The following U2SURP variants were observed in gnomAD, a reference collection of about 807,000 sequenced individuals.
The protein encoded by U2SURP is U2 snRNP-associated SURP motif-containing protein.
A neutral mutation model predicts 144.9 loss-of-function variants in U2SURP; 9 were observed. The ratio of observed to expected loss-of-function variants is 0.06; its 90% CI spans 0.04 to 0.11. The LOEUF (loss-of-function observed/expected upper bound fraction) is 0.11. Ranked by LOEUF, U2SURP falls within the 10% of genes least tolerant of loss-of-function variation. The probability of loss-of-function intolerance (pLI) is 1.00; values close to 1 mark genes in which losing one functional copy is unlikely to be tolerated. For synonymous variants in U2SURP, 408 were observed against 396.8 expected (o/e 1.03, Z -0.33); for missense variants, 724 against 1,226.7 (o/e 0.59, Z 6.12).
intron 20 of U2SURP, chr3:143,036,951 A>T: frequency 2.0e-6 from 1 of 488,688 alleles, no homozygotes; most frequent in South Asian, 3.4e-5. Flanking sequence ...GTTTTTGCTC[A>T]TCATTGCCTC....
chr3:143,055,204 A>G (rs1430638916), intron 27 of U2SURP, 85 bp downstream of exon 27: 1 of 1,290,040 alleles, frequency 7.8e-7, no homozygotes, highest in East Asian at 2.8e-5. Flanking sequence ...TGGTTGGCAT[A>G]CATTTTTTTT....
chr3:143,045,094 G>A (rs1427431866), intron 24 of U2SURP, among the ~76,000 whole-genome samples: 6 of 152,170 alleles, frequency 3.9e-5, no homozygotes, highest in East Asian at 1.9e-4. Context: ...GCCTTGGCCA[G>A]CTGCGGTGGC....
At chr3:143,053,530 G>T (rs1340409859) in intron 25 of U2SURP, 146 bp from the exon 26 acceptor site, 4 of 502,446 alleles carry the variant, frequency 8.0e-6, no homozygotes, top group African/African-American at 5.2e-5. Context: ...TCCCTGAAGG[G>T]GTAGATTTTT....
rs1237457246 is a variant in U2SURP at position 143,014,423 on chromosome 3, T to A, written c.321+14T>A. 3 of 1,548,750 alleles carry A rather than the reference T, an allele frequency of 1.9e-6. No individual in the cohort carries two copies. Among genetic ancestry groups the A allele is most frequent in the Non-Finnish European group, 2.7e-6 (3 of 1,127,488 alleles). On this transcript the variant is annotated intron_variant, in intron 4 of 27. Transcript: ENST00000473835. ...TTAAAGAAAAAGGTAATGTTGAAAATGTATTTTGAATTATCCTTGGAAATG... is the reference window on the plus strand; with the variant it reads ...TTAAAGAAAAAGGTAATGTTGAAAAAGTATTTTGAATTATCCTTGGAAATG...
chr3:143,040,109 G>C (rs553524164), intron 23 of U2SURP, among the ~76,000 whole-genome samples: 36 of 151,804 alleles, frequency 2.4e-4, no homozygotes, highest in African/African-American at 8.2e-4. Context: ...AGTAGTATAC[G>C]TACTCATAAA....
intron 23 of U2SURP, among the ~76,000 whole-genome samples, chr3:143,039,162 C>T (rs1184991121): frequency 1.3e-5 from 2 of 151,746 alleles, no homozygotes; most frequent in Admixed American, 1.3e-4. Flanking sequence ...TTTCATTTTG[C>T]TTTTGAGTTT....
intron 10 of U2SURP, 88 bp from the exon 11 acceptor site, chr3:143,022,409 T>G: frequency 7.5e-6 from 10 of 1,327,548 alleles, no homozygotes; most frequent in Non-Finnish European, 1.0e-5. Context: ...ATGTTGCTTT[T>G]TATTTTGTAA....
At chr3:143,034,247 T>A (rs1176923845) in intron 18 of U2SURP, among the ~76,000 whole-genome samples, 1 of 151,926 alleles carries the variant, frequency 6.6e-6, no homozygotes, top group Non-Finnish European at 1.5e-5. Context: ...CTAGTAAAAA[T>A]ACAAAGATTA....
intron 6 of U2SURP, among the ~76,000 whole-genome samples, chr3:143,018,043 A>G (rs925755586): frequency 6.6e-6 from 1 of 152,152 alleles, no homozygotes; most frequent in African/African-American, 2.4e-5. Context: ...GCAACATAGC[A>G]AGACTCCATC....
intron 1 of U2SURP, among the ~76,000 whole-genome samples, chr3:143,006,513 T>C (rs897165330): frequency 6.6e-6 from 1 of 152,172 alleles, no homozygotes; most frequent in Non-Finnish European, 1.5e-5. Context: ...CCCAGCACTT[T>C]GGGAGGCCAA....
At position 143,012,334 on chromosome 3, in the gene U2SURP, C is replaced by T; in HGVS notation, c.203C>T (p.Pro68Leu). The T allele has an allele frequency of 6.2e-7, 1 of 1,611,946 alleles. No individual in the cohort carries two copies. The highest frequency in any genetic ancestry group is 8.5e-7 in the Non-Finnish European group (1 of 1,178,818). Residue 68 changes from proline (P) to leucine (L), a missense_variant, in exon 3 of 28, where the codon CCT becomes CTT. Around this residue, in one of 13 missense-constraint regions of U2SURP, gnomAD observed 127 missense variants for 98.2 expected, o/e 1.29. Transcript: ENST00000473835. The stretch of plus-strand genomic sequence containing the variant: ...GCCCGTGAAAGCCTTTGTGATTCTC[C>T]TCATCAGAATCTCTCAAGAGTGAGT... ...ESARESLCDS[P>L]HQNLSRPLLE...
In U2SURP at chr3:143,005,806, A is replaced by T. The variant is rs529568468; in HGVS notation, c.45+4133A>T. 1.6e-4 allele frequency among the ~76,000 whole-genome samples: 24 copies of T among 151,694 alleles called. 1 individual carries two copies. The South Asian group carries it at 4.0e-3, about 25-fold the overall frequency. ...TCATTGAGAGAAGAGCTCATTTAGT[A>T]TGCCGGTTGAAGTATCTACCCCTCT... On this transcript the variant is annotated intron_variant, in intron 1 of 27. Transcript: ENST00000473835.
chr3:143,036,187 G>A, intron 20 of U2SURP, 83 bp downstream of exon 20: 2 of 1,386,670 alleles, frequency 1.4e-6, no homozygotes, highest in South Asian at 1.8e-5. Flanking sequence ...TGTTACATAT[G>A]TGAGGTACAT....
At chr3:143,013,288 T>C (rs1387449357) in intron 3 of U2SURP, among the ~76,000 whole-genome samples, 1 of 152,104 alleles carries the variant, frequency 6.6e-6, no homozygotes, top group African/African-American at 2.4e-5. Context: ...GACTGAATGA[T>C]GGCAAAACGA....
chr3:143,039,599 A>ATTTTT (rs10706682), intron 23 of U2SURP, among the ~76,000 whole-genome samples: 2 of 136,792 alleles, frequency 1.5e-5, no homozygotes, highest in African/African-American at 2.7e-5. Context: ...AGGGAGTTGA[A>ATTTTT]TTTTTTTTTT....
intron 25 of U2SURP, 93 bp downstream of exon 25, chr3:143,051,142 A>G (rs1303486518): frequency 4.2e-6 from 3 of 713,762 alleles, no homozygotes; most frequent in Non-Finnish European, 6.8e-6. Context: ...ATTTCAAATT[A>G]TATCCTTTGT....
intron 16 of U2SURP, 27 bp from the exon 17 acceptor site, chr3:143,032,753 ATATT>A: frequency 6.4e-7 from 1 of 1,570,626 alleles, no homozygotes; most frequent in Non-Finnish European, 8.7e-7. Context: ...TTGTATCTAA[ATATT>A]TATAAGTTAA....
At chr3:143,036,725 TC>T (rs1471026418) in intron 20 of U2SURP, among the ~76,000 whole-genome samples, 1 of 152,170 alleles carries the variant, frequency 6.6e-6, no homozygotes, top group African/African-American at 2.4e-5. Flanking sequence ...TCACCTGAGA[TC>T]CTTCAGATCT....
chr3:143,020,264 A>G (rs1388768765), intron 7 of U2SURP, among the ~76,000 whole-genome samples: 1 of 152,184 alleles, frequency 6.6e-6, no homozygotes, highest in Non-Finnish European at 1.5e-5. Flanking sequence ...TGATTTACTT[A>G]ATGTCCAGAG....
Sources: allele counts gnomAD v4.1 joint callset (sites outside exome capture counted in the v4.1 genomes callset), GRCh38; gene constraint gnomAD v4.1.1; regional missense constraint gnomAD v4.1.1; transcripts MANE v1.5; gene names NCBI Gene and HGNC (gene_info 2026-07-23, HGNC 2026-07-21).